The following ZNF740 variants were observed in gnomAD, a reference collection of about 807,000 sequenced individuals.
ZNF740 encodes zinc finger protein 740, also known as oriLyt TD-element-binding protein 7.
Under a neutral mutation model 24.8 loss-of-function variants are expected in ZNF740, and 14 were observed. The ratio of observed to expected loss-of-function variants is 0.56; its 90% CI spans 0.37 to 0.88. ZNF740 has a LOEUF of 0.88. Ranked by LOEUF, ZNF740 falls within the 40% of genes least tolerant of loss-of-function variation. ZNF740 has a pLI of 0.00. For missense variants in ZNF740, 201 were observed against 247.9 expected (o/e 0.81, Z 1.27); for synonymous variants, 69 against 84.0 (o/e 0.82, Z 0.98).
chr12:53,187,569 C>A lies in ZNF740; in HGVS notation c.561C>A (p.Ser187=), dbSNP rs368404777. The A allele has an allele frequency of 1.9e-6, 3 of 1,613,946 alleles. No individual in the cohort carries two copies. The highest frequency in any genetic ancestry group is 2.5e-6 in the Non-Finnish European group (3 of 1,179,868). Residue 187 remains serine (S), a synonymous_variant, in exon 7 of 7, where the codon TCC becomes TCA. Transcript: ENST00000416904. The part of the protein sequence containing the change: ...RMCQGCQSKT[S]DGQFSL ...GCCAAGGGTGCCAGTCCAAGACTTC[C>A]GACGGGCAGTTTTCTCTATAGGCGC...
Position 53,193,661 on chromosome 12 carries a change from G to A in ZNF740, c.*6071G>A, listed in dbSNP as rs1220391694. ...AGCGGAGGAATACGGGCCAGGGTTG[G>A]TTGGTTGTTGGGAGCCAGGTGGTTG... is the stretch of plus-strand genomic sequence containing the variant. On this transcript the variant is annotated 3_prime_UTR_variant, in exon 7 of 7. Transcript: ENST00000416904. The A allele has an allele frequency of 9.2e-6, 14 of 1,529,400 alleles. No homozygotes were observed. Among genetic ancestry groups the A allele is most frequent in the African/African-American group, 4.1e-5 (3 of 72,884 alleles). The allele number at this position is 1,529,400 out of a possible 1,614,324, so 94.7% of individuals were successfully genotyped here.
At chr12:53,185,933 A>G in intron 4 of ZNF740, 21 bp from the exon 5 acceptor site, 1 of 1,612,910 alleles carries the variant, frequency 6.2e-7, no homozygotes, top group Non-Finnish European at 8.5e-7. Flanking sequence ...GCCTCATGAC[A>G]TGCCTGATTA....
chr12:53,187,558 T>G lies in ZNF740; in HGVS notation c.550T>G (p.Ser184Ala), dbSNP rs369115816. 402 of 1,613,988 alleles carry G rather than the reference T, an allele frequency of 2.5e-4. 1 individual carries two copies. In the East Asian group the frequency reaches 7.1e-3, roughly 28 times the overall value. The change falls in exon 7 of 7, where the codon TCC (serine) becomes GCC (alanine). Residue 184 changes from serine to alanine, a missense_variant. Around this residue, in one of 3 missense-constraint regions of ZNF740, gnomAD observed 24 missense variants for 17.8 expected, o/e 1.35. Coordinates refer to ENST00000416904, the MANE Select transcript of ZNF740 (RefSeq NM_001004304.4). The part of the protein sequence containing the change: ...RHKRMCQGCQ[S>A]KTSDGQFSL The stretch of plus-strand genomic sequence containing the variant: ...CAAACGGATGTGCCAAGGGTGCCAG[T>G]CCAAGACTTCCGACGGGCAGTTTTC...
chr12:53,184,750 A>G, intron 2 of ZNF740, 141 bp from the exon 3 acceptor site: 2 of 954,808 alleles, frequency 2.1e-6, no homozygotes, highest in Non-Finnish European at 3.2e-6. Flanking sequence ...TGAAGGAAGC[A>G]AGGCTTTGGC....
chr12:53,185,875 G>A, intron 4 of ZNF740, 79 bp from the exon 5 acceptor site: 1 of 1,553,266 alleles, frequency 6.4e-7, no homozygotes. Context: ...CCAACAGCTG[G>A]AAGTGGACCC....
rs1342199742 is a variant in ZNF740, at chr12:53,185,003, G to C, written c.122G>C (p.Arg41Pro). The C allele has an allele frequency of 7.4e-6, 12 of 1,613,998 alleles. No individual in the cohort carries two copies. Among genetic ancestry groups the C allele is most frequent in the South Asian group, 2.2e-5 (2 of 91,080 alleles). Reference sequence around the variant, plus strand: ...AGCAAGCAGGCCGAGAATGGCGAGCGGGCAGGTAGCCCTGATGTGCTGAGG... The same window carrying C: ...AGCAAGCAGGCCGAGAATGGCGAGCCGGCAGGTAGCCCTGATGTGCTGAGG... ...IASKQAENGE[R>P]AGSPDVLRCS... Residue 41 changes from arginine to proline, a missense_variant, in exon 3 of 7, where the codon CGG becomes CCG. Physicochemically the swap from Arg to Pro is moderately radical, Grantham distance 103 (BLOSUM62 -2). This residue lies in a region of ZNF740 where 117 missense variants were observed against 122.3 expected (regional missense o/e 0.96). Coordinates refer to ENST00000416904, the MANE Select transcript of ZNF740 (RefSeq NM_001004304.4).
At position 53,193,062 on chromosome 12, in the gene ZNF740, A is replaced by T; in HGVS notation, c.*5472A>T. On this transcript the variant is annotated 3_prime_UTR_variant, in exon 7 of 7. Coordinates refer to ENST00000416904, the MANE Select transcript of ZNF740 (RefSeq NM_001004304.4). ...CGGAATCTTTTGATATTTGCCTTCC[A>T]TGCCAGGAGATTCCCAGAGCCTAAG... is the stretch of plus-strand genomic sequence containing the variant. 7.0e-7 allele frequency: 1 copy of T among 1,430,008 alleles called. No homozygotes were observed. The highest frequency in any genetic ancestry group is 1.3e-5 in the South Asian group (1 of 79,432). The allele number at this position is 1,430,008 out of a possible 1,614,324, so 88.6% of individuals were successfully genotyped here. A position where few individuals can be genotyped will look rare whatever the true frequency, so the allele number is the denominator to read the frequency against.
chr12:53,184,132 T>TGTGTGTGTGTGTGTGC (rs1427131120), intron 2 of ZNF740, among the ~76,000 whole-genome samples: 5 of 128,816 alleles, frequency 3.9e-5, no homozygotes, highest in Non-Finnish European at 7.9e-5. Context: ...TGTGTGTGTG[T>TGTGTGTGTGTGTGTGC]GTGTGTGTGT....
Position 53,191,110 on chromosome 12 carries a change from C to T in ZNF740, c.*3520C>T. 4.7e-6 allele frequency: 1 copy of T among 212,078 alleles called. No homozygotes were observed. The highest frequency in any genetic ancestry group is 9.7e-6 in the Non-Finnish European group (1 of 103,590). The allele number at this position is 212,078 out of a possible 1,614,324, so 13.1% of individuals were successfully genotyped here. A position where few individuals can be genotyped will look rare whatever the true frequency, so the allele number is the denominator to read the frequency against. The stretch of plus-strand genomic sequence containing the variant: ...GCAGTGTCTCTGACCTGGGACCCCC[C>T]TGCATCCGCAGCACTTGAGAATTCA... On this transcript the variant is annotated 3_prime_UTR_variant, in exon 7 of 7. Coordinates refer to ENST00000416904, the MANE Select transcript of ZNF740 (RefSeq NM_001004304.4).
intron 2 of ZNF740, among the ~76,000 whole-genome samples, chr12:53,184,126 T>G (rs1016571702): frequency 1.8e-4 from 22 of 119,754 alleles, no homozygotes; most frequent in African/African-American, 8.1e-4. Flanking sequence ...TGTGTGTGTG[T>G]GTGTGTGTGT....
chr12:53,193,894 A>G lies in ZNF740; in HGVS notation c.*6304A>G. The G allele has an allele frequency of 6.2e-7, 1 of 1,612,564 alleles. No individual in the cohort carries two copies. ...GTGGGTGGCTTGGAGAGAAACCCAG[A>G]AAGTCACCTGAGAAGAGGCAGGAAT... On this transcript the variant is annotated 3_prime_UTR_variant, in exon 7 of 7. Coordinates refer to ENST00000416904, the MANE Select transcript of ZNF740 (RefSeq NM_001004304.4).
rs1171838762 is a variant in ZNF740 at position 53,193,469 on chromosome 12, A to G, written c.*5879A>G. On this transcript the variant is annotated 3_prime_UTR_variant, in exon 7 of 7. Transcript: ENST00000416904. ...CCAAGTTCTCAAAAGAGTTGGAGACAGACAAACAGCTGAAAGGATGTTAAG... is the reference window on the plus strand; with the variant it reads ...CCAAGTTCTCAAAAGAGTTGGAGACGGACAAACAGCTGAAAGGATGTTAAG... 1 of 861,264 alleles carries G rather than the reference A, an allele frequency of 1.2e-6. No homozygotes were observed. The highest frequency in any genetic ancestry group is 1.8e-6 in the Non-Finnish European group (1 of 568,594). 53.4% of individuals were successfully genotyped at this position (861,264 alleles called of 1,614,324 possible). A position where few individuals can be genotyped will look rare whatever the true frequency, so the allele number is the denominator to read the frequency against.
Position 53,192,584 on chromosome 12 carries a change from C to T in ZNF740, c.*4994C>T. On this transcript the variant is annotated 3_prime_UTR_variant, in exon 7 of 7. Transcript: ENST00000416904. ...GGTTACCAGCTGGGCAGTTGTCACCCAATGCCCCTTGCCCAACTACAAGCA... is the reference window on the plus strand; with the variant it reads ...GGTTACCAGCTGGGCAGTTGTCACCTAATGCCCCTTGCCCAACTACAAGCA... 6.3e-7 allele frequency: 1 copy of T among 1,598,588 alleles called. No individual in the cohort carries two copies. Among genetic ancestry groups the T allele is most frequent in the South Asian group, 1.1e-5 (1 of 90,762 alleles).
intron 2 of ZNF740, 110 bp from the exon 3 acceptor site, chr12:53,184,780 TG>T: frequency 7.6e-7 from 1 of 1,307,578 alleles, no homozygotes; most frequent in Non-Finnish European, 1.1e-6. Flanking sequence ...GGACATTCCC[TG>T]GAGAGAAGCA....
At chr12:53,184,150 T>TGTGTGTGTGTGTGTGTGTGCGC (rs59250662) in intron 2 of ZNF740, among the ~76,000 whole-genome samples, 11 of 104,426 alleles carry the variant, frequency 1.1e-4, no homozygotes, top group South Asian at 3.0e-4. Context: ...TGTGTGTGTG[T>TGTGTGTGTGTGTGTGTGTGCGC]GCGCGCGCGC....
At position 53,191,842 on chromosome 12, in the gene ZNF740, C is replaced by T; in HGVS notation, c.*4252C>T. On this transcript the variant is annotated 3_prime_UTR_variant, in exon 7 of 7. Coordinates refer to ENST00000416904, the MANE Select transcript of ZNF740 (RefSeq NM_001004304.4). The stretch of plus-strand genomic sequence containing the variant: ...GGGGAACAGCTAAAAAGGGGCCTAA[C>T]CAGGAAGTCTCCTCACCTGCTTCCA... 1.2e-6 allele frequency: 2 copies of T among 1,613,284 alleles called. No individual in the cohort carries two copies. The highest frequency in any genetic ancestry group is 8.5e-7 in the Non-Finnish European group (1 of 1,179,926).
chr12:53,193,100 G>A lies in ZNF740; in HGVS notation c.*5510G>A. The A allele has an allele frequency of 1.9e-6, 3 of 1,548,194 alleles. No individual in the cohort carries two copies. The highest frequency in any genetic ancestry group is 1.8e-6 in the Non-Finnish European group (2 of 1,130,630). The stretch of plus-strand genomic sequence containing the variant: ...CCCAGAGCCTAAGTGCCTTGGGAAG[G>A]CCTCTCAGACCCCGCCCTTCTCCCC... On this transcript the variant is annotated 3_prime_UTR_variant, in exon 7 of 7. Transcript: ENST00000416904.
In ZNF740 at chr12:53,183,452, C is replaced by T. The variant is rs149884050; in HGVS notation, c.10-1439C>T. Among the ~76,000 whole-genome samples the T allele has an allele frequency of 5.1e-3, 777 of 152,264 alleles. 7 individuals carry two copies. The highest frequency in any genetic ancestry group is 0.018 in the African/African-American group (731 of 41,536). On this transcript the variant is annotated intron_variant, in intron 2 of 6. Coordinates refer to ENST00000416904, the MANE Select transcript of ZNF740 (RefSeq NM_001004304.4). ...ACTGATCATCTAAAAGGAATTTCTTCATAAATTTGTGAGTTTGCTGACCAA... is the reference window on the plus strand; with the variant it reads ...ACTGATCATCTAAAAGGAATTTCTTTATAAATTTGTGAGTTTGCTGACCAA...
rs765046214 is a variant in ZNF740 at position 53,192,544 on chromosome 12, T to C, written c.*4954T>C. ...CCCCACACTCTGCACAGTCCCTGTG[T>C]AGTAGATGCCAATAGGTTACCAGCT... On this transcript the variant is annotated 3_prime_UTR_variant, in exon 7 of 7. Coordinates refer to ENST00000416904, the MANE Select transcript of ZNF740 (RefSeq NM_001004304.4). 3 of 1,612,822 alleles carry C rather than the reference T, an allele frequency of 1.9e-6. No homozygotes were observed. Among genetic ancestry groups the C allele is most frequent in the Non-Finnish European group, 1.7e-6 (2 of 1,179,316 alleles).
Sources: allele counts gnomAD v4.1 joint callset (sites outside exome capture counted in the v4.1 genomes callset), GRCh38; gene constraint gnomAD v4.1.1; regional missense constraint gnomAD v4.1.1; transcripts MANE v1.5; gene names NCBI Gene and HGNC (gene_info 2026-07-23, HGNC 2026-07-21).